The following ATAD2B variants were observed in gnomAD, a reference collection of about 807,000 sequenced individuals.
ATAD2B encodes ATPase family AAA domain-containing protein 2B.
In ATAD2B, 40 loss-of-function variants were observed where a neutral mutation model predicts 167.6. The ratio of observed to expected loss-of-function variants is 0.24; its 90% CI spans 0.19 to 0.31. The LOEUF is 0.31. Ranked by LOEUF, ATAD2B falls within the 10% of genes least tolerant of loss-of-function variation. The pLI is 1.00. For missense variants in ATAD2B, 1,242 were observed against 1,757.2 expected, an observed-to-expected ratio of 0.71 and a Z score of 5.24; for synonymous variants, 579 against 596.5, an observed-to-expected ratio of 0.97 and a Z score of 0.43.
the ATAD2B span, among the ~76,000 whole-genome samples, chr2:23,736,896 T>C: frequency 6.6e-6 from 1 of 152,176 alleles, no homozygotes; most frequent in African/African-American, 2.4e-5. Flanking sequence ...GGAGATTATA[T>C]CCCGCACCTG....
intron 20 of ATAD2B, among the ~76,000 whole-genome samples, chr2:23,786,638 G>A (rs1680864135): frequency 2.0e-5 from 3 of 152,158 alleles, no homozygotes; most frequent in South Asian, 2.1e-4. Context: ...TGACCAAAAC[G>A]TCATTATGCA....
intron 13 of ATAD2B, among the ~76,000 whole-genome samples, chr2:23,842,606 G>C (rs1691100129): frequency 1.3e-5 from 2 of 152,240 alleles, no homozygotes; most frequent in South Asian, 4.2e-4. Context: ...AACAGGGGTT[G>C]GGAGGGTGCC....
At chr2:23,895,351 T>C (rs1700032036) in intron 2 of ATAD2B, among the ~76,000 whole-genome samples, 1 of 152,066 alleles carries the variant, frequency 6.6e-6, no homozygotes, top group Non-Finnish European at 1.5e-5. Context: ...AAAATTAAGT[T>C]TTCTTGATAC....
intron 1 of ATAD2B, among the ~76,000 whole-genome samples, chr2:23,896,786 C>T (rs1422534794): frequency 6.6e-6 from 1 of 152,186 alleles, no homozygotes; most frequent in Non-Finnish European, 1.5e-5. Context: ...TGGACCTCCT[C>T]AGTCTCCCTC....
chr2:23,796,399 A>G (rs1682625129), intron 19 of ATAD2B, among the ~76,000 whole-genome samples: 1 of 152,220 alleles, frequency 6.6e-6, no homozygotes, highest in African/African-American at 2.4e-5. Context: ...AACATTGGAA[A>G]TGTACATGAT....
chr2:23,708,291 G>A, the ATAD2B span: 1 of 152,156 alleles, frequency 6.6e-6, no homozygotes, highest in Non-Finnish European at 1.5e-5. Context: ...TACATACATT[G>A]TATGTCATTT....
chr2:23,795,367 C>A (rs1354169567), intron 19 of ATAD2B, among the ~76,000 whole-genome samples: 1 of 151,948 alleles, frequency 6.6e-6, no homozygotes, highest in African/African-American at 2.4e-5. Flanking sequence ...ACTCTGTTGC[C>A]CAGGCTGGAG....
chr2:23,915,673 C>G (rs1702953943), intron 1 of ATAD2B, among the ~76,000 whole-genome samples: 1 of 146,004 alleles, frequency 6.8e-6, no homozygotes, highest in Non-Finnish European at 1.5e-5. Flanking sequence ...CTCACTGCAG[C>G]CTCCTCCTCC....
At chr2:23,843,087 T>C (rs1455061099) in intron 13 of ATAD2B, among the ~76,000 whole-genome samples, 3 of 152,138 alleles carry the variant, frequency 2.0e-5, no homozygotes. Flanking sequence ...AAAGCAACTA[T>C]TGTAACGAAG....
chr2:23,913,777 A>G (rs1206332839), intron 1 of ATAD2B, among the ~76,000 whole-genome samples: 2 of 152,208 alleles, frequency 1.3e-5, no homozygotes, highest in Admixed American at 1.3e-4. Context: ...GTCCTTTAAG[A>G]TATTAAGACA....
At chr2:23,801,723 C>A (rs1683531875) in intron 18 of ATAD2B, among the ~76,000 whole-genome samples, 1 of 151,756 alleles carries the variant, frequency 6.6e-6, no homozygotes. Context: ...TTAAAACTTT[C>A]TTTATTAAAA....
At chr2:23,731,047 G>A in the ATAD2B span, among the ~76,000 whole-genome samples, 1,639 of 150,610 alleles carry the variant, frequency 0.011, 15 homozygotes, top group Middle Eastern at 0.031. Flanking sequence ...AATAGGACTC[G>A]GGGCAATTTG....
intron 22 of ATAD2B, among the ~76,000 whole-genome samples, chr2:23,767,219 G>T (rs982112171): frequency 1.3e-5 from 2 of 151,668 alleles, no homozygotes; most frequent in Non-Finnish European, 2.9e-5. Flanking sequence ...CCTATTACCT[G>T]CTCTGTCATA....
At chr2:23,694,272 A>G in the ATAD2B span, among the ~76,000 whole-genome samples, 2 of 152,196 alleles carry the variant, frequency 1.3e-5, no homozygotes, top group Non-Finnish European at 2.9e-5. Context: ...ACTGAAGCTT[A>G]GCTTCCTCCC....
At chr2:23,770,948 A>G (rs1209215529) in intron 22 of ATAD2B, among the ~76,000 whole-genome samples, 1 of 152,190 alleles carries the variant, frequency 6.6e-6, no homozygotes, top group Non-Finnish European at 1.5e-5. Context: ...CATAATGTTG[A>G]GTCTTCCAAT....
At chr2:23,855,121 G>GGTGCGGAGGTTGCAGT (rs1395478311) in intron 13 of ATAD2B, among the ~76,000 whole-genome samples, 1 of 151,870 alleles carries the variant, frequency 6.6e-6, no homozygotes, top group Non-Finnish European at 1.5e-5. Context: ...TTCAATGCGG[G>GGTGCGGAGGTTGCAGT]GTGCGGAGGT....
intron 18 of ATAD2B, among the ~76,000 whole-genome samples, chr2:23,804,024 G>C (rs529352964): frequency 6.6e-6 from 1 of 152,252 alleles, no homozygotes; most frequent in South Asian, 2.1e-4. Context: ...TGCCAAGAAA[G>C]GTGAAGCAAA....
intron 15 of ATAD2B, chr2:23,827,773 G>A (rs1688468171): frequency 6.6e-6 from 1 of 152,616 alleles, no homozygotes; most frequent in Non-Finnish European, 1.5e-5. Context: ...AAGTAGTGCT[G>A]GAGAGATTTA....
In ATAD2B at chr2:23,863,475, T is replaced by C. The variant is rs375884896; in HGVS notation, c.1385A>G (p.Asp462Gly). Residue 462 changes from aspartate (D) to glycine (G), a missense_variant, in exon 12 of 28, where the codon GAC (aspartate) becomes GGC (glycine). This residue lies in a region of ATAD2B where 151 missense variants were observed against 284.1 expected (regional missense o/e 0.53). Coordinates refer to ENST00000238789, the MANE Select transcript of ATAD2B (RefSeq NM_017552.4). The stretch of plus-strand genomic sequence containing the variant: ...TCGCATAAAAAAAGCCACTTTTTTG[T>C]CTCCTTGGCTGCATTCATTAGCTAA... ...RALANECSQG[D>G]KKVAFFMRKG... The C allele has an allele frequency of 2.3e-4, 355 of 1,557,342 alleles. No homozygotes were observed. Among genetic ancestry groups the C allele is most frequent in the Non-Finnish European group, 3.0e-4 (342 of 1,149,848 alleles).
Sources: allele counts gnomAD v4.1 joint callset (sites outside exome capture counted in the v4.1 genomes callset), GRCh38; gene constraint gnomAD v4.1.1; regional missense constraint gnomAD v4.1.1; transcripts MANE v1.5; gene names NCBI Gene and HGNC (gene_info 2026-07-23, HGNC 2026-07-21).